The following COL26A1 variants were observed in gnomAD, a reference collection of about 807,000 sequenced individuals.
The protein encoded by COL26A1 is collagen type XXVI alpha 1 chain, also known as collagen alpha-1(XXVI) chain.
A neutral mutation model predicts 59.3 loss-of-function variants in COL26A1; 41 were observed. The ratio of observed to expected loss-of-function variants is 0.69; its 90% CI spans 0.54 to 0.90. COL26A1 has a LOEUF of 0.90. Among genes scored for constraint, COL26A1 ranks in the 40% least tolerant of loss-of-function variants. The probability of loss-of-function intolerance (pLI) is 0.00; values close to 1 mark genes in which losing one functional copy is unlikely to be tolerated. For synonymous variants in COL26A1, 266 were observed against 256.0 expected (o/e 1.04, Z -0.37); for missense variants, 612 against 602.3 (o/e 1.02, Z -0.17).
At chr7:101,422,171 A>G (rs1792537888) in intron 2 of COL26A1, among the ~76,000 whole-genome samples, 1 of 151,624 alleles carries the variant, frequency 6.6e-6, no homozygotes, top group Non-Finnish European at 1.5e-5. Context: ...AATTAGCCAG[A>G]CGTGGTGGTG....
At chr7:101,399,030 C>T (rs957890210) in intron 1 of COL26A1, among the ~76,000 whole-genome samples, 13 of 152,000 alleles carry the variant, frequency 8.6e-5, no homozygotes, top group African/African-American at 2.2e-4. Context: ...AGACACTAGG[C>T]GTGGTGGCTC....
intron 2 of COL26A1, among the ~76,000 whole-genome samples, chr7:101,427,277 G>A (rs1792671437): frequency 6.6e-6 from 1 of 152,150 alleles, no homozygotes. Context: ...TGTCCAGGCT[G>A]GTCTTGAACT....
chr7:101,378,941 C>T (rs1001662745), intron 1 of COL26A1, among the ~76,000 whole-genome samples: 6 of 152,032 alleles, frequency 3.9e-5, no homozygotes, highest in African/African-American at 1.2e-4. Flanking sequence ...CCCCTGGAGG[C>T]GACCAGGCCT....
chr7:101,557,322 G>A, intron 12 of COL26A1, 48 bp from the exon 13 acceptor site: 2 of 1,560,400 alleles, frequency 1.3e-6, no homozygotes, highest in Non-Finnish European at 1.7e-6. Flanking sequence ...GTACCCCCAA[G>A]TGTTCCTAAG....
At chr7:101,524,293 A>G (rs529629210) in intron 3 of COL26A1, among the ~76,000 whole-genome samples, 2 of 151,750 alleles carry the variant, frequency 1.3e-5, no homozygotes, top group East Asian at 3.9e-4. Flanking sequence ...AAAAACGACT[A>G]TTGCAGTGAC....
At chr7:101,530,561 G>A (rs1795343915) in intron 3 of COL26A1, among the ~76,000 whole-genome samples, 1 of 88,244 alleles carries the variant, frequency 1.1e-5, no homozygotes, top group Admixed American at 1.3e-4. Context: ...GTGAGACTCT[G>A]TCTTTAAAAA....
At chr7:101,518,280 C>T (rs548248336) in intron 3 of COL26A1, among the ~76,000 whole-genome samples, 21 of 152,330 alleles carry the variant, frequency 1.4e-4, no homozygotes, top group Non-Finnish European at 2.6e-4. Flanking sequence ...TGAGGCCTCA[C>T]CTAGTCCCAA....
In COL26A1 at chr7:101,434,639, C is replaced by T. The variant is rs560648651; in HGVS notation, c.282-13045C>T. Among the ~76,000 whole-genome samples the T allele has an allele frequency of 1.6e-4, 25 of 151,854 alleles. No homozygotes were observed. The South Asian group carries it at 1.9e-3, about 11-fold the overall frequency. ...GTGTTGGTGAGGAGAGAAGGCGGCA[C>T]TCAAAACTAACGCTCACTAGTGAGC... On this transcript the variant is annotated intron_variant, in intron 2 of 12. Coordinates refer to ENST00000313669, the MANE Select transcript of COL26A1 (RefSeq NM_001278563.3).
rs761385666 is a variant in COL26A1, at chr7:101,547,162, A to T, written c.863A>T (p.Asp288Val). Residue 288 changes from aspartate to valine, a missense_variant, in exon 8 of 13, where the codon GAC becomes GTC. Transcript: ENST00000313669. Reference sequence around the variant, plus strand: ...CGCTCCGCTCTTCCCACAGATGGAGACTCAAGGCTGGCCTCTGCCATCGTG... The same window carrying T: ...CGCTCCGCTCTTCCCACAGATGGAGTCTCAAGGCTGGCCTCTGCCATCGTG... ...LQPPTDKDNGDSRLASAIVDT... is the reference protein window; with the variant it reads ...LQPPTDKDNGVSRLASAIVDT... 2 of 1,593,724 alleles carry T rather than the reference A, an allele frequency of 1.3e-6. No homozygotes were observed. Among genetic ancestry groups the T allele is most frequent in the South Asian group, 2.3e-5 (2 of 87,060 alleles).
chr7:101,371,430 CT>C lies in COL26A1; in HGVS notation c.158+8242del, dbSNP rs1791189160. Among the ~76,000 whole-genome samples the C allele has an allele frequency of 2.0e-5, 3 of 152,146 alleles. No homozygotes were observed. The South Asian group carries it at 6.2e-4, about 32-fold the overall frequency. On this transcript the variant is annotated intron_variant, in intron 1 of 12. Coordinates refer to ENST00000313669, the MANE Select transcript of COL26A1 (RefSeq NM_001278563.3). ...TTGGGAGACCGAGGTGGGAGGATCA[CT>C]TGAGCCCAGGAGTTTGAGACCAGCT...
chr7:101,448,793 G>T (rs914877669), intron 3 of COL26A1, among the ~76,000 whole-genome samples: 1 of 152,094 alleles, frequency 6.6e-6, no homozygotes, highest in East Asian at 1.9e-4. Flanking sequence ...CTCCCGGCTG[G>T]AGGGGTCAGT....
intron 3 of COL26A1, among the ~76,000 whole-genome samples, chr7:101,498,073 A>G (rs34883452): frequency 0.27 from 41,253 of 152,156 alleles, 6,212 homozygotes; most frequent in Middle Eastern, 0.35. Context: ...CAAAAAGCCA[A>G]TTGGTCATTT....
intron 3 of COL26A1, among the ~76,000 whole-genome samples, chr7:101,476,212 G>T (rs1438688197): frequency 6.6e-6 from 1 of 151,444 alleles, no homozygotes; most frequent in African/African-American, 2.4e-5. Context: ...TGGCCAGGCT[G>T]GTCTTGAACT....
chr7:101,385,367 G>GTGTATATATATATA (rs896826101), intron 1 of COL26A1, among the ~76,000 whole-genome samples: 6 of 137,022 alleles, frequency 4.4e-5, no homozygotes, highest in African/African-American at 1.5e-4. Context: ...ATATATGTGT[G>GTGTATATATATATA]TATATATATA....
chr7:101,537,420 C>A (rs1486574181), intron 4 of COL26A1, among the ~76,000 whole-genome samples: 3 of 152,252 alleles, frequency 2.0e-5, no homozygotes, highest in African/African-American at 7.2e-5. Context: ...ACAATGACAT[C>A]ATCAGGGCCA....
At chr7:101,393,950 AT>A (rs35379126) in intron 1 of COL26A1, among the ~76,000 whole-genome samples, 5 of 149,754 alleles carry the variant, frequency 3.3e-5, no homozygotes, top group Non-Finnish European at 7.4e-5. Context: ...TTAAAAAAAA[AT>A]TTTTTTTTTA....
chr7:101,398,149 C>T (rs1023474209), intron 1 of COL26A1, among the ~76,000 whole-genome samples: 6 of 152,198 alleles, frequency 3.9e-5, no homozygotes, highest in African/African-American at 1.4e-4. Context: ...GTGCTGTGTA[C>T]TATTCCACTG....
intron 3 of COL26A1, among the ~76,000 whole-genome samples, chr7:101,526,256 C>A (rs1795246711): frequency 6.6e-6 from 1 of 152,080 alleles, no homozygotes. Context: ...TCCATGTTGG[C>A]CAGGCTGGTC....
At chr7:101,556,260 T>C (rs763939952) in intron 12 of COL26A1, among the ~76,000 whole-genome samples, 1 of 152,186 alleles carries the variant, frequency 6.6e-6, no homozygotes. Flanking sequence ...TATGGTGACA[T>C]AGGGGAGGCT....
Sources: gnomAD v4.1 joint callset for allele counts (sites outside exome capture counted in the v4.1 genomes callset) on GRCh38, gnomAD v4.1.1 for gene constraint, MANE v1.5 for transcripts, NCBI Gene and HGNC (gene_info 2026-07-23, HGNC 2026-07-21) for gene names.